Variants in TDRD3 observed in about 807,000 individuals in gnomAD.
TDRD3 encodes tudor domain containing 3.
In TDRD3, 45 loss-of-function variants were observed where a neutral mutation model predicts 86.7. That is an observed-to-expected ratio of 0.52 (90% CI 0.41 to 0.67). The LOEUF (loss-of-function observed/expected upper bound fraction) is 0.67. Ranked by LOEUF, TDRD3 falls within the 30% of genes least tolerant of loss-of-function variation. The pLI is 0.00. For synonymous variants in TDRD3, 298 were observed against 301.7 expected (o/e 0.99, Z 0.13); for missense variants, 814 against 889.0 (o/e 0.92, Z 1.07).
intron 3 of TDRD3, among the ~76,000 whole-genome samples, chr13:60,451,002 T>C (rs368254462): frequency 6.6e-6 from 1 of 152,204 alleles, no homozygotes; most frequent in Non-Finnish European, 1.5e-5. Flanking sequence ...TATTTAATGT[T>C]TTCTATTACA....
At chr13:60,535,902 A>G (rs1320730570) in intron 12 of TDRD3, 4 of 152,198 alleles carry the variant, frequency 2.6e-5, no homozygotes, top group African/African-American at 9.6e-5. Flanking sequence ...AAACAGGAAT[A>G]CAAGACATAT....
At chr13:60,430,820 T>C (rs1954937908) in intron 1 of TDRD3, among the ~76,000 whole-genome samples, 2 of 152,268 alleles carry the variant, frequency 1.3e-5, no homozygotes, top group African/African-American at 4.8e-5. Flanking sequence ...ATATTTTGAA[T>C]ATGAGTCATA....
intron 12 of TDRD3, among the ~76,000 whole-genome samples, chr13:60,554,373 A>G (rs923064538): frequency 6.6e-6 from 1 of 152,192 alleles, no homozygotes; most frequent in Non-Finnish European, 1.5e-5. Flanking sequence ...GAACTTTCCT[A>G]GTCTTTTTTA....
intron 8 of TDRD3, 195 bp from the exon 9 acceptor site, chr13:60,509,568 C>G: frequency 4.7e-6 from 3 of 642,878 alleles, no homozygotes; most frequent in Non-Finnish European, 8.0e-6. Flanking sequence ...AGAGAATACT[C>G]AAGGCACAAC....
intron 12 of TDRD3, chr13:60,536,409 T>A (rs940164319): frequency 1.3e-5 from 2 of 152,122 alleles, no homozygotes; most frequent in African/African-American, 2.4e-5. Context: ...CTCCAAATCA[T>A]CAATATCTAA....
chr13:60,452,663 C>G (rs147698700), intron 3 of TDRD3, among the ~76,000 whole-genome samples: 167 of 152,022 alleles, frequency 1.1e-3, no homozygotes, highest in African/African-American at 3.8e-3. Flanking sequence ...GATTAATATT[C>G]CATTGTATGG....
chr13:60,521,483 A>C (rs538579237), intron 10 of TDRD3, among the ~76,000 whole-genome samples: 9 of 152,300 alleles, frequency 5.9e-5, no homozygotes, highest in African/African-American at 2.2e-4. Context: ...AAAATGTAAT[A>C]CAGAAATGAA....
chr13:60,542,450 C>G (rs545954331), intron 12 of TDRD3, among the ~76,000 whole-genome samples: 45 of 152,288 alleles, frequency 3.0e-4, no homozygotes, highest in African/African-American at 1.1e-3. Context: ...TGAATACACA[C>G]ACACACCTGT....
chr13:60,487,528 A>G (rs1956471505), intron 7 of TDRD3, among the ~76,000 whole-genome samples: 1 of 152,224 alleles, frequency 6.6e-6, no homozygotes, highest in Admixed American at 6.5e-5. Context: ...CATAGGTTGT[A>G]TGCAAATGCT....
At chr13:60,431,919 C>T (rs1954964204) in intron 1 of TDRD3, among the ~76,000 whole-genome samples, 1 of 151,712 alleles carries the variant, frequency 6.6e-6, no homozygotes, top group Non-Finnish European at 1.5e-5. Flanking sequence ...TTTATCTGAT[C>T]CATTTATATA....
chr13:60,439,820 A>G, intron 2 of TDRD3, 48 bp downstream of exon 2: 1 of 1,334,912 alleles, frequency 7.5e-7, no homozygotes, highest in South Asian at 1.5e-5. Flanking sequence ...TGGAAGCTGT[A>G]TTCATAAAAA....
intron 10 of TDRD3, among the ~76,000 whole-genome samples, chr13:60,517,676 C>A (rs938776845): frequency 2.6e-5 from 4 of 152,170 alleles, no homozygotes; most frequent in African/African-American, 9.7e-5. Context: ...CCATTCCATT[C>A]GTTTTGAAGT....
chr13:60,435,695 A>T (rs1467401537), intron 1 of TDRD3, among the ~76,000 whole-genome samples: 1 of 152,208 alleles, frequency 6.6e-6, no homozygotes, highest in Non-Finnish European at 1.5e-5. Flanking sequence ...AGTTGGTTCC[A>T]CATCTTTGCA....
rs143464662 is a variant in TDRD3, at chr13:60,400,427, C to G, written c.41+3022C>G. On this transcript the variant is annotated intron_variant, in intron 1 of 13. Coordinates refer to ENST00000377881, the MANE Select transcript of TDRD3 (RefSeq NM_001146070.2). ...AGAAACCTGTCACGGGGTACCTAAT[C>G]AGTTGTGTTTTTGTTTTTGAAAATG... Among the ~76,000 whole-genome samples, 7 of 152,234 alleles carry G rather than the reference C, an allele frequency of 4.6e-5. No individual in the cohort carries two copies. The East Asian group carries it at 1.4e-3, about 29-fold the overall frequency.
At chr13:60,568,992 A>G (rs533628823) in intron 13 of TDRD3, among the ~76,000 whole-genome samples, 181 of 152,178 alleles carry the variant, frequency 1.2e-3, no homozygotes, top group Non-Finnish European at 2.2e-3. Flanking sequence ...TTTTTGAGAC[A>G]GAGTCTGGCT....
chr13:60,485,710 A>G (rs1006383936), intron 6 of TDRD3, 89 bp from the exon 7 acceptor site: 5 of 1,045,906 alleles, frequency 4.8e-6, no homozygotes, highest in Non-Finnish European at 6.4e-6. Flanking sequence ...AAAAGATACA[A>G]GATACTTTTG....
intron 1 of TDRD3, among the ~76,000 whole-genome samples, chr13:60,423,737 T>TA (rs1289929561): frequency 2.0e-5 from 3 of 152,112 alleles, no homozygotes; most frequent in Admixed American, 6.5e-5. Flanking sequence ...TATTTAATTG[T>TA]AAAAAAATGT....
In TDRD3 at chr13:60,567,543, G is replaced by C; in HGVS notation, c.2137G>C (p.Asp713His). The change falls in exon 13 of 14, where the codon GAT becomes CAT. Residue 713 changes from aspartate to histidine, a missense_variant. Asp to His is a moderately conservative substitution (Grantham distance 81). Transcript: ENST00000377881. The stretch of plus-strand genomic sequence containing the variant: ...CAAATAGGAGGAAGAAGGCACCTAC[G>C]ATCAAACTCTGGAGTTCCGTAGGGG... ...TEAWEEEGTY[D>H]QTLEFRRGGD... The C allele has an allele frequency of 3.7e-6, 6 of 1,614,010 alleles. No homozygotes were observed. Among genetic ancestry groups the C allele is most frequent in the Non-Finnish European group, 4.2e-6 (5 of 1,180,014 alleles).
At chr13:60,414,146 G>A (rs1230766303) in intron 1 of TDRD3, among the ~76,000 whole-genome samples, 2 of 152,048 alleles carry the variant, frequency 1.3e-5, no homozygotes, top group Non-Finnish European at 2.9e-5. Flanking sequence ...TGTGCAATAT[G>A]TAAATTTGTG....
Sources: gnomAD v4.1 joint callset for allele counts (sites outside exome capture counted in the v4.1 genomes callset) on GRCh38, gnomAD v4.1.1 for gene constraint, MANE v1.5 for transcripts, NCBI Gene and HGNC (gene_info 2026-07-23, HGNC 2026-07-21) for gene names.